Variants in WWP1 observed in about 807,000 individuals in gnomAD.
WWP1 encodes NEDD4-like E3 ubiquitin-protein ligase WWP1.
A neutral mutation model predicts 130.6 loss-of-function variants in WWP1; 49 were observed. That is an observed-to-expected ratio of 0.38 (90% CI 0.30 to 0.48). The LOEUF (loss-of-function observed/expected upper bound fraction) is 0.48. Ranked by LOEUF, WWP1 falls within the 20% of genes least tolerant of loss-of-function variation. WWP1 has a pLI of 0.99. For synonymous variants in WWP1, 332 were observed against 367.8 expected, an observed-to-expected ratio of 0.90 and a Z score of 1.11; for missense variants, 809 against 1,100.6, an observed-to-expected ratio of 0.74 and a Z score of 3.75.
intron 8 of WWP1, among the ~76,000 whole-genome samples, chr8:86,408,144 G>T (rs143616789): frequency 2.8e-3 from 427 of 152,260 alleles, no homozygotes; most frequent in African/African-American, 9.7e-3. Flanking sequence ...GAGTCCTACA[G>T]TGTGGGTAGC....
chr8:86,360,137 C>T (rs1327512594), intron 1 of WWP1, among the ~76,000 whole-genome samples: 15 of 144,272 alleles, frequency 1.0e-4, no homozygotes, highest in Admixed American at 4.0e-4. Context: ...ACTGAGACTC[C>T]GTCTCAAAAA....
rs1822250910 is a variant in WWP1, at chr8:86,342,628, G to GGCGCGGCGCCGGCGACGCGGCC, written c.-416_-395dup. 4.5e-6 allele frequency: 1 copy of GGCGCGGCGCCGGCGACGCGGCC among 221,548 alleles called. No homozygotes were observed. The highest frequency in any genetic ancestry group is 8.7e-6 in the Non-Finnish European group (1 of 114,764). The allele number at this position is 221,548 out of a possible 1,614,324, so 13.7% of individuals were successfully genotyped here. A position where few individuals can be genotyped will look rare whatever the true frequency, so the allele number is the denominator to read the frequency against. ...GGCCGGCGGGGAGGCGCGCGCTTAG[G>GGCGCGGCGCCGGCGACGCGGCC]GCGCGGCGCCGGCGACGCGGCCACG... On this transcript the variant is annotated 5_prime_UTR_variant, in exon 1 of 25. Transcript: ENST00000517970.
At chr8:86,377,600 A>G (rs1824740054) in intron 3 of WWP1, among the ~76,000 whole-genome samples, 1 of 152,028 alleles carries the variant, frequency 6.6e-6, no homozygotes, top group African/African-American at 2.4e-5. Context: ...AGCATTGATC[A>G]TGGAACGCGG....
intron 4 of WWP1, 74 bp from the exon 5 acceptor site, chr8:86,381,431 A>C (rs963915634): frequency 6.7e-7 from 1 of 1,499,726 alleles, no homozygotes. Flanking sequence ...TAAATGCTTT[A>C]ATAGGAATTG....
chr8:86,464,547 G>T (rs536909372), intron 24 of WWP1, among the ~76,000 whole-genome samples: 5 of 151,458 alleles, frequency 3.3e-5, no homozygotes, highest in African/African-American at 1.2e-4. Context: ...ATAGAGTCTT[G>T]CTGTGTTACC....
At chr8:86,390,283 C>T (rs928699459) in intron 5 of WWP1, among the ~76,000 whole-genome samples, 3 of 152,164 alleles carry the variant, frequency 2.0e-5, no homozygotes, top group Non-Finnish European at 2.9e-5. Context: ...CCTCACTTCC[C>T]AGACGGGGTG....
At chr8:86,400,613 T>G (rs1586360017) in intron 7 of WWP1, among the ~76,000 whole-genome samples, 1 of 152,292 alleles carries the variant, frequency 6.6e-6, no homozygotes, top group Admixed American at 6.5e-5. Context: ...TTGTTTACAG[T>G]TATGTTCTAG....
intron 5 of WWP1, 141 bp downstream of exon 5, chr8:86,381,770 C>T: frequency 1.2e-6 from 1 of 864,440 alleles, no homozygotes; most frequent in Non-Finnish European, 1.6e-6. Flanking sequence ...AACTTTGTGG[C>T]ATTTTATGAA....
At chr8:86,359,020 CAT>C (rs375624984) in intron 1 of WWP1, among the ~76,000 whole-genome samples, 179 of 152,290 alleles carry the variant, frequency 1.2e-3, no homozygotes, top group African/African-American at 4.3e-3. Context: ...GTGGGAGAAA[CAT>C]GTGGGAAGTC....
chr8:86,437,792 G>A (rs2130706153), intron 16 of WWP1, among the ~76,000 whole-genome samples: 1 of 152,228 alleles, frequency 6.6e-6, no homozygotes, highest in Admixed American at 6.5e-5. Flanking sequence ...TATAATATAT[G>A]TATTATATAC....
chr8:86,364,806 C>T (rs532055994), intron 1 of WWP1, among the ~76,000 whole-genome samples: 5 of 135,840 alleles, frequency 3.7e-5, no homozygotes, highest in African/African-American at 9.3e-5. Flanking sequence ...GACCCTGCCT[C>T]GAAAGAAAGA....
At chr8:86,358,493 T>C (rs63480561) in intron 1 of WWP1, among the ~76,000 whole-genome samples, 4 of 129,922 alleles carry the variant, frequency 3.1e-5, no homozygotes, top group South Asian at 2.4e-4. Flanking sequence ...TTTTTTTTTT[T>C]CCTTTGGAGA....
intron 9 of WWP1, among the ~76,000 whole-genome samples, chr8:86,413,812 G>A (rs910244833): frequency 2.0e-5 from 3 of 152,180 alleles, no homozygotes; most frequent in African/African-American, 7.2e-5. Context: ...TGAAAACCAC[G>A]AATAAGCATT....
chr8:86,348,317 C>G (rs1822708807), intron 1 of WWP1, among the ~76,000 whole-genome samples: 1 of 151,970 alleles, frequency 6.6e-6, no homozygotes, highest in African/African-American at 2.4e-5. Flanking sequence ...CTCCTGGGTT[C>G]AAGAGATTCT....
At chr8:86,419,416 T>C (rs1809072882) in intron 9 of WWP1, among the ~76,000 whole-genome samples, 1 of 152,034 alleles carries the variant, frequency 6.6e-6, no homozygotes, top group Non-Finnish European at 1.5e-5. Flanking sequence ...AGATTCCATC[T>C]CAAAAAACAA....
At chr8:86,382,815 T>A (rs1162127627) in intron 5 of WWP1, among the ~76,000 whole-genome samples, 1 of 152,250 alleles carries the variant, frequency 6.6e-6, no homozygotes, top group Admixed American at 6.5e-5. Flanking sequence ...TTGTAACAGT[T>A]CACTAAAAAT....
At chr8:86,418,754 C>T (rs1447498165) in intron 9 of WWP1, among the ~76,000 whole-genome samples, 2 of 152,120 alleles carry the variant, frequency 1.3e-5, no homozygotes, top group African/African-American at 4.8e-5. Flanking sequence ...GAGATACTGT[C>T]CTAAATCAGC....
At chr8:86,427,954 A>G in intron 11 of WWP1, 137 bp downstream of exon 11, 1 of 691,580 alleles carries the variant, frequency 1.4e-6, no homozygotes, top group Non-Finnish European at 2.1e-6. Flanking sequence ...GTGTTACAAG[A>G]TATTTTTTAG....
At chr8:86,395,178 T>G (rs1428202996) in intron 5 of WWP1, among the ~76,000 whole-genome samples, 5 of 152,200 alleles carry the variant, frequency 3.3e-5, no homozygotes, top group Non-Finnish European at 7.4e-5. Context: ...TAAAATTAGT[T>G]TAAGCTAACG....
Sources: allele counts gnomAD v4.1 joint callset (sites outside exome capture counted in the v4.1 genomes callset), GRCh38; gene constraint gnomAD v4.1.1; transcripts MANE v1.5; gene names NCBI Gene and HGNC (gene_info 2026-07-23, HGNC 2026-07-21).